Variants in DPP10 observed in about 807,000 individuals in gnomAD.
The protein encoded by DPP10 is dipeptidyl peptidase like 10, also known as inactive dipeptidyl peptidase 10.
In DPP10, 33 loss-of-function variants were observed where a neutral mutation model predicts 120.9. The ratio of observed to expected loss-of-function variants is 0.27; its 90% CI spans 0.21 to 0.37. The LOEUF is 0.37. Ranked by LOEUF, DPP10 falls within the 10% of genes least tolerant of loss-of-function variation. The pLI is 1.00. For synonymous variants in DPP10, 337 were observed against 326.1 expected (o/e 1.03, Z -0.36); for missense variants, 816 against 942.8 (o/e 0.87, Z 1.76).
At chr2:115,440,351 C>A (rs1383033773) in intron 3 of DPP10, among the ~76,000 whole-genome samples, 1 of 152,118 alleles carries the variant, frequency 6.6e-6, no homozygotes, top group Non-Finnish European at 1.5e-5. Flanking sequence ...GCTGTATGAG[C>A]CATGCAGAGC....
intron 1 of DPP10, among the ~76,000 whole-genome samples, chr2:114,942,227 G>T (rs1332423550): frequency 6.8e-6 from 1 of 147,450 alleles, no homozygotes; most frequent in African/African-American, 2.5e-5. Context: ...GAGCCAAGAT[G>T]GTGCCACTGC....
intron 5 of DPP10, among the ~76,000 whole-genome samples, chr2:115,581,113 T>A (rs1472291902): frequency 6.6e-6 from 1 of 152,054 alleles, no homozygotes; most frequent in Non-Finnish European, 1.5e-5. Flanking sequence ...CATAATTGAG[T>A]TTCGTCTTTT....
rs183906775 is a variant in DPP10, at chr2:114,525,483, C to G, written c.60+82645C>G. On this transcript the variant is annotated intron_variant, in intron 1 of 25. Transcript: ENST00000410059. Reference sequence around the variant, plus strand: ...GCTACATAAAAAGCATGGAGCTAAGCAATTCTCCATGTATTATGATCATGC... The same window carrying G: ...GCTACATAAAAAGCATGGAGCTAAGGAATTCTCCATGTATTATGATCATGC... 6.0e-4 allele frequency among the ~76,000 whole-genome samples: 92 copies of G among 152,228 alleles called. 1 individual carries two copies. The highest frequency in any genetic ancestry group is 5.5e-3 in the Admixed American group (84 of 15,282).
chr2:115,378,420 C>G (rs2106446387), intron 3 of DPP10, among the ~76,000 whole-genome samples: 1 of 151,042 alleles, frequency 6.6e-6, no homozygotes, highest in African/African-American at 2.5e-5. Context: ...TGAGACTTTG[C>G]TAAGTTGCTT....
intron 1 of DPP10, among the ~76,000 whole-genome samples, chr2:114,507,720 T>A (rs1278786417): frequency 6.6e-6 from 1 of 152,132 alleles, no homozygotes; most frequent in African/African-American, 2.4e-5. Flanking sequence ...TACCACTGAT[T>A]AACGTGGCAA....
intron 4 of DPP10, among the ~76,000 whole-genome samples, chr2:115,507,032 GCGCACA>G (rs760342497): frequency 6.7e-6 from 1 of 148,732 alleles, no homozygotes; most frequent in East Asian, 2.0e-4. Context: ...ACACACGCAC[GCGCACA>G]CACACACACA....
chr2:115,367,216 G>T (rs998208102), intron 3 of DPP10, among the ~76,000 whole-genome samples: 110 of 151,750 alleles, frequency 7.2e-4, no homozygotes, highest in African/African-American at 2.5e-3. Context: ...ATGGCATAGA[G>T]TTTTTTTTAT....
chr2:114,507,763 T>A (rs894801928), intron 1 of DPP10, among the ~76,000 whole-genome samples: 5 of 152,206 alleles, frequency 3.3e-5, no homozygotes, highest in Non-Finnish European at 7.3e-5. Flanking sequence ...TCTGAACAAC[T>A]ACTTCTTGAT....
At chr2:114,852,757 T>G (rs1689061710) in intron 1 of DPP10, among the ~76,000 whole-genome samples, 2 of 152,158 alleles carry the variant, frequency 1.3e-5, no homozygotes, top group Non-Finnish European at 2.9e-5. Flanking sequence ...TGTTGATATC[T>G]GCATTTCAAT....
chr2:115,830,743 G>A (rs994558742), intron 21 of DPP10, among the ~76,000 whole-genome samples: 5 of 152,132 alleles, frequency 3.3e-5, no homozygotes, highest in Admixed American at 6.5e-5. Flanking sequence ...TGGAGGTAAG[G>A]AAAGGTATCA....
chr2:115,222,329 C>G (rs936588004), intron 1 of DPP10, among the ~76,000 whole-genome samples: 27 of 152,122 alleles, frequency 1.8e-4, no homozygotes, highest in African/African-American at 6.5e-4. Flanking sequence ...TGATTTGAAT[C>G]ATAATTGATA....
chr2:114,783,551 C>T (rs891172078), intron 1 of DPP10, among the ~76,000 whole-genome samples: 5 of 152,046 alleles, frequency 3.3e-5, no homozygotes, highest in African/African-American at 9.7e-5. Context: ...AACTGTTTCC[C>T]ATCTGCCTGG....
chr2:114,836,850 G>T (rs1219122653), intron 1 of DPP10, among the ~76,000 whole-genome samples: 1 of 152,134 alleles, frequency 6.6e-6, no homozygotes, highest in Non-Finnish European at 1.5e-5. Flanking sequence ...CTTTCTCAAG[G>T]ATGTTCCTTG....
chr2:114,720,799 T>C (rs1367581780), intron 1 of DPP10, among the ~76,000 whole-genome samples: 1 of 152,216 alleles, frequency 6.6e-6, no homozygotes, highest in Non-Finnish European at 1.5e-5. Flanking sequence ...TGGTAGACTG[T>C]GAGCAGAACT....
intron 5 of DPP10, among the ~76,000 whole-genome samples, chr2:115,536,698 A>G (rs2078867798): frequency 6.6e-6 from 1 of 152,022 alleles, no homozygotes. Flanking sequence ...AAATGAACAA[A>G]CATAAACAAC....
intron 1 of DPP10, among the ~76,000 whole-genome samples, chr2:115,208,862 A>C (rs17355686): frequency 0.064 from 9,737 of 152,242 alleles, 346 homozygotes; most frequent in Middle Eastern, 0.11. Context: ...ATTTAGGAGC[A>C]AATGTACAAA....
At chr2:114,861,163 G>T (rs1689781296) in intron 1 of DPP10, among the ~76,000 whole-genome samples, 1 of 152,190 alleles carries the variant, frequency 6.6e-6, no homozygotes, top group South Asian at 2.1e-4. Flanking sequence ...TCCACTCGTT[G>T]CTTCAGTCCT....
intron 1 of DPP10, among the ~76,000 whole-genome samples, chr2:115,048,643 A>G (rs1350325343): frequency 2.0e-5 from 3 of 151,660 alleles, no homozygotes; most frequent in Non-Finnish European, 2.9e-5. Flanking sequence ...TCCCTTCATC[A>G]CTCTCAATGT....
chr2:114,528,314 G>A lies in DPP10; in HGVS notation c.60+85476G>A, dbSNP rs529395425. Among the ~76,000 whole-genome samples, 13 of 152,274 alleles carry A rather than the reference G, an allele frequency of 8.5e-5. No homozygotes were observed. In the South Asian group the frequency reaches 1.0e-3, roughly 12 times the overall value. Reference sequence around the variant, plus strand: ...GATTCGTGTTAATGTCCCACAGTCAGCCAGAAGTGCTTGTGACTCTATGCA... The same window carrying A: ...GATTCGTGTTAATGTCCCACAGTCAACCAGAAGTGCTTGTGACTCTATGCA... On this transcript the variant is annotated intron_variant, in intron 1 of 25. Coordinates refer to ENST00000410059, the MANE Select transcript of DPP10 (RefSeq NM_020868.6).
Sources: allele counts gnomAD v4.1 joint callset (sites outside exome capture counted in the v4.1 genomes callset), GRCh38; gene constraint gnomAD v4.1.1; transcripts MANE v1.5; gene names NCBI Gene and HGNC (gene_info 2026-07-23, HGNC 2026-07-21).